APBB2: variants seen among roughly 807,000 people sequenced by gnomAD.
APBB2 encodes Fe65-like 1.
APBB2 carries 38 observed loss-of-function variants against 82.5 expected under a neutral mutation model. The observed-to-expected ratio is 0.46, with a 90% confidence interval of 0.36 to 0.60. The LOEUF is 0.60. Ranked by LOEUF, APBB2 falls within the 20% of genes least tolerant of loss-of-function variation. The pLI, the probability that APBB2 is intolerant of heterozygous loss-of-function variation, is 0.00. For synonymous variants in APBB2, 341 were observed against 368.2 expected (o/e 0.93, Z 0.85); for missense variants, 772 against 972.3 (o/e 0.79, Z 2.74).
intron 12 of APBB2, among the ~76,000 whole-genome samples, chr4:40,859,962 G>C (rs1293746665): frequency 6.6e-6 from 1 of 152,196 alleles, no homozygotes; most frequent in Non-Finnish European, 1.5e-5. Flanking sequence ...GATTCCTTTG[G>C]AAGATGTTCC....
chr4:40,935,567 A>C (rs73244007), intron 7 of APBB2: 1 of 156,028 alleles, frequency 6.4e-6, no homozygotes, highest in African/African-American at 2.4e-5. Flanking sequence ...TTTGGAAACT[A>C]GGGAATGCCC....
At chr4:40,953,147 A>T (rs1790661157) in intron 6 of APBB2, among the ~76,000 whole-genome samples, 1 of 151,892 alleles carries the variant, frequency 6.6e-6, no homozygotes, top group Non-Finnish European at 1.5e-5. Flanking sequence ...ATACAAAAAA[A>T]ATTAGCCAGG....
In APBB2 at chr4:40,907,337, TTAATA is replaced by T. The variant is rs1272032446; in HGVS notation, c.1255-13931_1255-13927del. ...ACTGATATGCTTTATTTAATTTAAT[TTAATA>T]TATTACATATATATATATATATATA... On this transcript the variant is annotated intron_variant, in intron 10 of 17. Coordinates refer to ENST00000508593, the MANE Select transcript of APBB2 (RefSeq NM_004307.2). Among the ~76,000 whole-genome samples, 167 of 140,770 alleles carry T rather than the reference TTAATA, an allele frequency of 1.2e-3. 1 individual carries two copies. The highest frequency in any genetic ancestry group is 4.1e-3 in the African/African-American group (159 of 38,498). The allele number at this position is 140,770 out of a possible 152,430, so 92.4% of individuals were successfully genotyped here.
chr4:41,144,318 C>G (rs1201057328), intron 1 of APBB2, among the ~76,000 whole-genome samples: 1 of 152,126 alleles, frequency 6.6e-6, no homozygotes, highest in Non-Finnish European at 1.5e-5. Context: ...AGAAAAAAAG[C>G]AAAATATCAA....
chr4:41,182,597 A>G (rs1220853613), intron 1 of APBB2, among the ~76,000 whole-genome samples: 2 of 152,202 alleles, frequency 1.3e-5, no homozygotes, highest in Non-Finnish European at 2.9e-5. Context: ...ATCTGTTTTC[A>G]CACTGCTATG....
chr4:40,966,015 A>T lies in APBB2; in HGVS notation c.836-20942T>A, dbSNP rs553415222. Among the ~76,000 whole-genome samples the T allele has an allele frequency of 2.0e-5, 3 of 152,360 alleles. 1 individual carries two copies. The highest frequency in any genetic ancestry group is 7.2e-5 in the African/African-American group (3 of 41,576). Reference sequence around the variant, plus strand: ...AAATTCAAGTCCAATCCTTGAAACTAAACACAAAGAATATCCTAATATAAC... The same window carrying T: ...AAATTCAAGTCCAATCCTTGAAACTTAACACAAAGAATATCCTAATATAAC... On this transcript the variant is annotated intron_variant, in intron 6 of 17. Transcript: ENST00000508593.
chr4:41,198,897 G>A (rs1776005716), intron 1 of APBB2, among the ~76,000 whole-genome samples: 1 of 152,144 alleles, frequency 6.6e-6, no homozygotes, highest in South Asian at 2.1e-4. Flanking sequence ...CTGTGTGTCT[G>A]TGTGTCTGTC....
At chr4:40,969,794 G>C (rs953708359) in intron 6 of APBB2, among the ~76,000 whole-genome samples, 4 of 152,174 alleles carry the variant, frequency 2.6e-5, no homozygotes, top group Non-Finnish European at 4.4e-5. Context: ...ACATTGACCA[G>C]TTTTGGATTG....
At chr4:41,064,017 C>T (rs1397183688) in intron 4 of APBB2, among the ~76,000 whole-genome samples, 2 of 125,774 alleles carry the variant, frequency 1.6e-5, no homozygotes, top group African/African-American at 3.1e-5. Flanking sequence ...AGTGCTGTGT[C>T]GCCCAGGCTG....
At chr4:41,089,886 A>G (rs757013372) in intron 3 of APBB2, among the ~76,000 whole-genome samples, 7 of 152,208 alleles carry the variant, frequency 4.6e-5, no homozygotes, top group Non-Finnish European at 8.8e-5. Context: ...TCCTACGCCC[A>G]TGTCTCCTAC....
At chr4:40,928,428 A>ACACACAC (rs201061451) in intron 10 of APBB2, among the ~76,000 whole-genome samples, 1,500 of 54,132 alleles carry the variant, frequency 0.028, 16 homozygotes, top group Non-Finnish European at 0.041. Flanking sequence ...ACACACACAC[A>ACACACAC]ATCAGCCAGG....
intron 12 of APBB2, among the ~76,000 whole-genome samples, chr4:40,851,719 T>TAC (rs1759430774): frequency 9.7e-6 from 1 of 102,804 alleles, no homozygotes; most frequent in Admixed American, 1.0e-4. Flanking sequence ...TTTCTATGCA[T>TAC]ATATATATAT....
At chr4:40,850,368 A>G (rs181136097) in intron 12 of APBB2, among the ~76,000 whole-genome samples, 87 of 152,360 alleles carry the variant, frequency 5.7e-4, no homozygotes, top group Admixed American at 2.0e-3. Context: ...AAAAAGAAAG[A>G]GGCTCAAGTG....
At chr4:40,994,432 A>T (rs907150732) in intron 6 of APBB2, among the ~76,000 whole-genome samples, 1 of 152,204 alleles carries the variant, frequency 6.6e-6, no homozygotes, top group Non-Finnish European at 1.5e-5. Flanking sequence ...TGAATCAGTC[A>T]ATGGATCAAA....
chr4:40,989,979 T>C (rs1801565916), intron 6 of APBB2, among the ~76,000 whole-genome samples: 1 of 152,164 alleles, frequency 6.6e-6, no homozygotes, highest in African/African-American at 2.4e-5. Flanking sequence ...CTAAAACTTA[T>C]AGAGAGGAGC....
At chr4:40,930,438 TGTGTGTGTGTGCGCGCGC>T (rs1560308280) in intron 10 of APBB2, among the ~76,000 whole-genome samples, 1 of 41,934 alleles carries the variant, frequency 2.4e-5, no homozygotes, top group East Asian at 6.9e-4. Context: ...TGTGTGTGTG[TGTGTGTGTGTGCGCGCGC>T]GCGCGCGCGC....
intron 6 of APBB2, among the ~76,000 whole-genome samples, chr4:40,994,337 C>A (rs1174324835): frequency 1.3e-5 from 2 of 151,100 alleles, no homozygotes; most frequent in Non-Finnish European, 2.9e-5. Flanking sequence ...AGACTACAGG[C>A]CAAACTTACT....
intron 10 of APBB2, among the ~76,000 whole-genome samples, chr4:40,910,428 G>A (rs1023861703): frequency 1.1e-4 from 16 of 151,794 alleles, no homozygotes; most frequent in African/African-American, 3.4e-4. Context: ...TTGTAGAGAC[G>A]GGGTCTCACT....
intron 6 of APBB2, among the ~76,000 whole-genome samples, chr4:40,958,102 C>T (rs556074506): frequency 3.9e-5 from 6 of 152,262 alleles, no homozygotes; most frequent in African/African-American, 9.6e-5. Flanking sequence ...AACCATCCAT[C>T]GGTCCATCCA....
Sources: gnomAD v4.1 joint callset for allele counts (sites outside exome capture counted in the v4.1 genomes callset) on GRCh38, gnomAD v4.1.1 for gene constraint, MANE v1.5 for transcripts, NCBI Gene and HGNC (gene_info 2026-07-23, HGNC 2026-07-21) for gene names.